Variants in IGSF21 observed in about 807,000 individuals in gnomAD.
The protein encoded by IGSF21 is immunoglobulin superfamily member 21.
IGSF21 carries 28 observed loss-of-function variants against 46.8 expected under a neutral mutation model. That is an observed-to-expected ratio of 0.60 (90% CI 0.44 to 0.82). The LOEUF (loss-of-function observed/expected upper bound fraction) is 0.82, where lower values mean the gene tolerates loss of function less well. Ranked by LOEUF, IGSF21 falls within the 40% of genes least tolerant of loss-of-function variation. IGSF21 has a pLI of 0.00. For synonymous variants in IGSF21, 284 were observed against 273.6 expected (o/e 1.04, Z -0.38); for missense variants, 624 against 665.5 (o/e 0.94, Z 0.69).
intron 1 of IGSF21, among the ~76,000 whole-genome samples, chr1:18,183,584 G>A (rs943182161): frequency 1.3e-5 from 2 of 150,658 alleles, no homozygotes; most frequent in Admixed American, 6.6e-5. Context: ...AACAGCCATC[G>A]CTGTGTAACA....
At chr1:18,198,878 A>G (rs949945460) in intron 1 of IGSF21, among the ~76,000 whole-genome samples, 2 of 152,098 alleles carry the variant, frequency 1.3e-5, no homozygotes, top group African/African-American at 4.8e-5. Context: ...ATTCGAATAA[A>G]AGGACAATAG....
intron 1 of IGSF21, among the ~76,000 whole-genome samples, chr1:18,221,405 C>T (rs2084509082): frequency 6.6e-6 from 1 of 152,110 alleles, no homozygotes; most frequent in South Asian, 2.1e-4. Flanking sequence ...ATATCCCTCT[C>T]ATGGAAGCCC....
chr1:18,277,268 TG>T lies in IGSF21; in HGVS notation c.184-14597del, dbSNP rs1171661091. Reference sequence around the variant, plus strand: ...TCACTCTGGCCTCGGTTGCCTCCTTTGAAGATTGGGGCCATAACGTGAATCC... The same window carrying T: ...TCACTCTGGCCTCGGTTGCCTCCTTTAAGATTGGGGCCATAACGTGAATCC... On this transcript the variant is annotated intron_variant, in intron 2 of 9. Transcript: ENST00000251296. 4.6e-5 allele frequency among the ~76,000 whole-genome samples: 7 copies of T among 152,316 alleles called. No individual in the cohort carries two copies. The East Asian group carries it at 1.4e-3, about 29-fold the overall frequency.
chr1:18,356,348 C>T (rs2086018089), intron 4 of IGSF21, among the ~76,000 whole-genome samples: 2 of 152,156 alleles, frequency 1.3e-5, no homozygotes. Context: ...CCTCAAAGTC[C>T]ACAAAAATGA....
chr1:18,347,088 A>G (rs2085901624), intron 4 of IGSF21, among the ~76,000 whole-genome samples: 1 of 152,208 alleles, frequency 6.6e-6, no homozygotes, highest in Admixed American at 6.5e-5. Flanking sequence ...TCATCTAGCA[A>G]GAACGGTCAC....
chr1:18,351,407 G>C (rs1034447779), intron 4 of IGSF21, among the ~76,000 whole-genome samples: 1 of 152,170 alleles, frequency 6.6e-6, no homozygotes, highest in Non-Finnish European at 1.5e-5. Flanking sequence ...CCAGGCCCTA[G>C]GCCTTCAAGG....
At chr1:18,336,668 A>G (rs567216645) in intron 4 of IGSF21, among the ~76,000 whole-genome samples, 11 of 152,208 alleles carry the variant, frequency 7.2e-5, no homozygotes, top group African/African-American at 2.6e-4. Flanking sequence ...TGAGGCCCAC[A>G]CTTCCTATTA....
intron 1 of IGSF21, among the ~76,000 whole-genome samples, chr1:18,118,259 G>A (rs1255820143): frequency 6.6e-6 from 1 of 151,948 alleles, no homozygotes; most frequent in African/African-American, 2.4e-5. Context: ...TATCTCCCCA[G>A]CACCATCTCT....
At chr1:18,327,135 G>A (rs960519784) in intron 3 of IGSF21, among the ~76,000 whole-genome samples, 5 of 152,080 alleles carry the variant, frequency 3.3e-5, no homozygotes, top group African/African-American at 1.2e-4. Flanking sequence ...TTTGATCCAC[G>A]TTGCACACAC....
chr1:18,360,634 G>A (rs925281655), intron 4 of IGSF21, among the ~76,000 whole-genome samples: 8 of 152,142 alleles, frequency 5.3e-5, no homozygotes, highest in Non-Finnish European at 7.3e-5. Context: ...CTCCCTGTGC[G>A]TGTCCCAAGG....
intron 1 of IGSF21, chr1:18,113,777 G>T (rs1044486030): frequency 2.0e-5 from 3 of 152,006 alleles, no homozygotes; most frequent in African/African-American, 7.3e-5. Context: ...ACCGTCCTTT[G>T]TTGGTTTCCT....
chr1:18,353,172 C>G (rs1243921472), intron 4 of IGSF21, among the ~76,000 whole-genome samples: 1 of 151,848 alleles, frequency 6.6e-6, no homozygotes, highest in Non-Finnish European at 1.5e-5. Flanking sequence ...GCTGCTGTTA[C>G]TACTCAGTTC....
At chr1:18,148,450 G>A (rs557660185) in intron 1 of IGSF21, among the ~76,000 whole-genome samples, 1 of 152,284 alleles carries the variant, frequency 6.6e-6, no homozygotes, top group South Asian at 2.1e-4. Context: ...GTCTTTATTA[G>A]CAGCATGAAA....
chr1:18,174,486 C>T (rs1054296636), intron 1 of IGSF21, among the ~76,000 whole-genome samples: 2 of 152,194 alleles, frequency 1.3e-5, no homozygotes, highest in Non-Finnish European at 2.9e-5. Context: ...AGGAGTCTCT[C>T]CCATGTCCCT....
rs150306886 is a variant in IGSF21, at chr1:18,300,659, G to A, written c.305+8672G>A. On this transcript the variant is annotated intron_variant, in intron 3 of 9. Transcript: ENST00000251296. ...GACCCTGGGCTAAACTCCTCAGGAA[G>A]TGAGGCCTTGCCTGCAGGCCAAAGG... 5.3e-5 allele frequency among the ~76,000 whole-genome samples: 8 copies of A among 152,352 alleles called. No individual in the cohort carries two copies. The East Asian group carries it at 1.4e-3, about 26-fold the overall frequency.
intron 6 of IGSF21, among the ~76,000 whole-genome samples, chr1:18,371,609 G>A (rs1557665650): frequency 6.6e-6 from 1 of 151,876 alleles, no homozygotes; most frequent in African/African-American, 2.4e-5. Flanking sequence ...GAAGCCAGAT[G>A]ACAGAGTACT....
chr1:18,287,272 T>C, intron 2 of IGSF21, among the ~76,000 whole-genome samples: 1 of 151,970 alleles, frequency 6.6e-6, no homozygotes, highest in East Asian at 1.9e-4. Flanking sequence ...GGCAGGTGCC[T>C]GTAGTCTCAA....
At chr1:18,249,314 TTCAGGTGAAAGTGATG>T (rs2084814260) in intron 2 of IGSF21, among the ~76,000 whole-genome samples, 2 of 152,098 alleles carry the variant, frequency 1.3e-5, no homozygotes, top group African/African-American at 4.8e-5. Context: ...GCTGCAGCCA[TTCAGGTGAAAGTGATG>T]GCAGCCCGAG....
intron 1 of IGSF21, among the ~76,000 whole-genome samples, chr1:18,149,313 G>T (rs936575874): frequency 7.2e-5 from 11 of 152,202 alleles, no homozygotes; most frequent in African/African-American, 2.4e-4. Context: ...AGCAGGGACA[G>T]TCTCCGAGGC....
Sources: allele counts gnomAD v4.1 joint callset (sites outside exome capture counted in the v4.1 genomes callset), GRCh38; gene constraint gnomAD v4.1.1; transcripts MANE v1.5; gene names NCBI Gene and HGNC (gene_info 2026-07-23, HGNC 2026-07-21).